TBC1D5: variants seen among roughly 807,000 people sequenced by gnomAD.
The protein encoded by TBC1D5 is TBC1 domain family member 5.
In TBC1D5, 75 loss-of-function variants were observed where a neutral mutation model predicts 100.3. The observed-to-expected ratio is 0.75, with a 90% CI of 0.62 to 0.91. The LOEUF (loss-of-function observed/expected upper bound fraction) is 0.91. Among genes scored for constraint, TBC1D5 ranks in the 40% least tolerant of loss-of-function variants. TBC1D5 has a pLI of 0.00. For synonymous variants in TBC1D5, 323 were observed against 325.6 expected (o/e 0.99, Z 0.09); for missense variants, 910 against 942.4 (o/e 0.97, Z 0.45).
At chr3:17,647,625 C>T (rs560329368) in intron 1 of TBC1D5, among the ~76,000 whole-genome samples, 4 of 152,220 alleles carry the variant, frequency 2.6e-5, no homozygotes, top group Non-Finnish European at 5.9e-5. Context: ...AAGACTGTCA[C>T]TGAGCCACTG....
At chr3:17,166,995 T>A in intron 20 of TBC1D5, 67 bp from the exon 22 acceptor site, 1 of 1,431,932 alleles carries the variant, frequency 7.0e-7, no homozygotes, top group East Asian at 2.5e-5. Context: ...GCTAGCTAAA[T>A]CTCTCAGACA....
At chr3:17,226,965 A>G (rs756242732) in intron 17 of TBC1D5, among the ~76,000 whole-genome samples, 5 of 152,166 alleles carry the variant, frequency 3.3e-5, no homozygotes, top group Non-Finnish European at 7.4e-5. Context: ...AGCCCTATGC[A>G]GAGTGATCTT....
intron 15 of TBC1D5, among the ~76,000 whole-genome samples, chr3:17,275,862 C>T (rs115888738): frequency 9.9e-4 from 151 of 152,156 alleles, no homozygotes; most frequent in Non-Finnish European, 1.7e-3. Flanking sequence ...TCTCAGAGTC[C>T]GGTTTCACTA....
chr3:17,610,946 G>T (rs984347085), intron 2 of TBC1D5, among the ~76,000 whole-genome samples: 1 of 152,104 alleles, frequency 6.6e-6, no homozygotes, highest in African/African-American at 2.4e-5. Flanking sequence ...GGAGGCAGAG[G>T]TTGCAGTGAG....
At chr3:17,183,244 G>A (rs527280995) in intron 19 of TBC1D5, among the ~76,000 whole-genome samples, 1 of 152,246 alleles carries the variant, frequency 6.6e-6, no homozygotes, top group African/African-American at 2.4e-5. Flanking sequence ...TTCCTTCCCT[G>A]TTTGCTGTTC....
At chr3:17,589,842 G>T (rs979816106) in intron 2 of TBC1D5, among the ~76,000 whole-genome samples, 1 of 152,054 alleles carries the variant, frequency 6.6e-6, no homozygotes, top group Non-Finnish European at 1.5e-5. Context: ...ATTTTACTTG[G>T]GGAGACAGCA....
chr3:17,521,246 C>G (rs2096060474), intron 2 of TBC1D5, among the ~76,000 whole-genome samples: 1 of 152,110 alleles, frequency 6.6e-6, no homozygotes, highest in Admixed American at 6.5e-5. Flanking sequence ...TGCACCGGTC[C>G]ATGTGGATTT....
At chr3:17,435,587 C>T (rs916746624) in intron 3 of TBC1D5, among the ~76,000 whole-genome samples, 2 of 152,102 alleles carry the variant, frequency 1.3e-5, no homozygotes, top group Non-Finnish European at 2.9e-5. Flanking sequence ...GGTAACTGCC[C>T]CCATTATTCA....
chr3:17,674,016 G>A (rs2068301170), intron 1 of TBC1D5, among the ~76,000 whole-genome samples: 3 of 152,066 alleles, frequency 2.0e-5, no homozygotes, highest in Non-Finnish European at 4.4e-5. Context: ...CCTTGACTCT[G>A]ACTTCCCTGG....
At chr3:17,278,549 C>T (rs1294215788) in intron 15 of TBC1D5, among the ~76,000 whole-genome samples, 5 of 152,088 alleles carry the variant, frequency 3.3e-5, no homozygotes, top group Admixed American at 6.5e-5. Flanking sequence ...ATTTTTTAAA[C>T]AGTAGTGATA....
At chr3:17,616,358 T>C (rs1377299288) in intron 2 of TBC1D5, among the ~76,000 whole-genome samples, 2 of 152,162 alleles carry the variant, frequency 1.3e-5, no homozygotes, top group African/African-American at 2.4e-5. Flanking sequence ...GAAGAATGCA[T>C]ATTCTGTTGA....
At chr3:17,664,523 G>A (rs968109634) in intron 1 of TBC1D5, among the ~76,000 whole-genome samples, 1 of 152,202 alleles carries the variant, frequency 6.6e-6, no homozygotes, top group Non-Finnish European at 1.5e-5. Flanking sequence ...TACAGATGCT[G>A]ATGGTATGGA....
intron 2 of TBC1D5, among the ~76,000 whole-genome samples, chr3:17,543,827 T>C (rs1205106827): frequency 6.6e-6 from 1 of 152,078 alleles, no homozygotes. Context: ...TCAGAATTTC[T>C]GATTCAATAG....
At chr3:17,681,663 A>G (rs2069491696) in intron 1 of TBC1D5, among the ~76,000 whole-genome samples, 1 of 151,600 alleles carries the variant, frequency 6.6e-6, no homozygotes, top group Non-Finnish European at 1.5e-5. Context: ...ATGAAATTAT[A>G]AATTCTAAAG....
chr3:17,327,654 T>C (rs1188378137), intron 13 of TBC1D5, among the ~76,000 whole-genome samples: 2 of 152,166 alleles, frequency 1.3e-5, no homozygotes, highest in Admixed American at 6.5e-5. Flanking sequence ...TTCTCTGACC[T>C]CCATATTAAA....
At chr3:17,456,325 T>C (rs1435021989) in intron 3 of TBC1D5, among the ~76,000 whole-genome samples, 1 of 152,158 alleles carries the variant, frequency 6.6e-6, no homozygotes, top group African/African-American at 2.4e-5. Context: ...AAAAATATTC[T>C]GTGTAGTAAT....
intron 1 of TBC1D5, among the ~76,000 whole-genome samples, chr3:17,688,721 A>T (rs1356347284): frequency 6.6e-6 from 1 of 152,214 alleles, no homozygotes; most frequent in Non-Finnish European, 1.5e-5. Flanking sequence ...CAGATGCTAC[A>T]TCCATCATTC....
At chr3:17,411,544 C>T (rs1405575391) in intron 4 of TBC1D5, among the ~76,000 whole-genome samples, 1 of 152,124 alleles carries the variant, frequency 6.6e-6, no homozygotes, top group Non-Finnish European at 1.5e-5. Flanking sequence ...GTTCTGTGGA[C>T]TGAAAACACA....
intron 1 of TBC1D5, among the ~76,000 whole-genome samples, chr3:17,630,747 C>A (rs967853708): frequency 1.3e-5 from 2 of 152,006 alleles, no homozygotes; most frequent in Admixed American, 6.6e-5. Context: ...AAAAGTTAGG[C>A]CTCCCAGGCT....
Sources: allele counts gnomAD v4.1 joint callset (sites outside exome capture counted in the v4.1 genomes callset), GRCh38; gene constraint gnomAD v4.1.1; transcripts MANE v1.5; gene names NCBI Gene and HGNC (gene_info 2026-07-23, HGNC 2026-07-21).